Variants in RAPGEF2 observed in about 807,000 individuals in gnomAD.
RAPGEF2 encodes Rap guanine nucleotide exchange factor 2, also known as PDZ domain containing guanine nucleotide exchange factor (GEF) 1.
RAPGEF2 carries 54 observed loss-of-function variants against 186.7 expected under a neutral mutation model. The ratio of observed to expected loss-of-function variants is 0.29; its 90% CI spans 0.23 to 0.36. The LOEUF (loss-of-function observed/expected upper bound fraction) is 0.36. RAPGEF2 is among the 10% of genes least tolerant of loss of function. RAPGEF2 has a pLI of 1.00. For synonymous variants in RAPGEF2, 712 were observed against 705.9 expected (o/e 1.01, Z -0.14); for missense variants, 1,532 against 2,045.0 (o/e 0.75, Z 4.84).
At chr4:159,330,599 A>G (rs554576138) in intron 13 of RAPGEF2, 101 bp downstream of exon 13, 2 of 836,460 alleles carry the variant, frequency 2.4e-6, no homozygotes, top group Admixed American at 6.4e-5. Context: ...GATTAATGTA[A>G]TGAAATAGGA....
intron 1 of RAPGEF2, among the ~76,000 whole-genome samples, chr4:159,113,323 C>T (rs1437057444): frequency 6.6e-6 from 1 of 151,954 alleles, no homozygotes; most frequent in Non-Finnish European, 1.5e-5. Flanking sequence ...GATCTTTGAC[C>T]CGTTTTTTAA....
intron 7 of RAPGEF2, among the ~76,000 whole-genome samples, chr4:159,251,853 G>A (rs7669772): frequency 0.18 from 27,038 of 151,512 alleles, 2,554 homozygotes; most frequent in Admixed American, 0.22. Context: ...CCAGTTTGCC[G>A]CCGCGATCTG....
At chr4:159,179,392 C>T (rs1746787775) in intron 1 of RAPGEF2, among the ~76,000 whole-genome samples, 1 of 152,066 alleles carries the variant, frequency 6.6e-6, no homozygotes, top group Non-Finnish European at 1.5e-5. Flanking sequence ...GTTGAAATTT[C>T]CTTCTATGAA....
chr4:159,252,597 C>T (rs1330074435), intron 7 of RAPGEF2, among the ~76,000 whole-genome samples: 1 of 152,142 alleles, frequency 6.6e-6, no homozygotes, highest in African/African-American at 2.4e-5. Flanking sequence ...TAAACTTTTG[C>T]CTAAATTTTA....
intron 8 of RAPGEF2, among the ~76,000 whole-genome samples, chr4:159,314,108 G>A (rs971983452): frequency 5.3e-5 from 8 of 152,080 alleles, no homozygotes; most frequent in South Asian, 2.1e-4. Flanking sequence ...TTAATGTTTC[G>A]TTTGCATATT....
intron 1 of RAPGEF2, among the ~76,000 whole-genome samples, chr4:159,148,561 A>G (rs1743186157): frequency 6.6e-6 from 1 of 152,124 alleles, no homozygotes; most frequent in Non-Finnish European, 1.5e-5. Context: ...CTTAACACAT[A>G]TGGTGGTCCA....
chr4:159,233,781 T>A (rs536633445), intron 4 of RAPGEF2, among the ~76,000 whole-genome samples: 1 of 152,012 alleles, frequency 6.6e-6, no homozygotes, highest in Admixed American at 6.6e-5. Flanking sequence ...AATTTAAAAA[T>A]ATATATATAA....
intron 10 of RAPGEF2, 124 bp from the exon 11 acceptor site, chr4:159,323,335 T>C: frequency 1.4e-6 from 1 of 722,174 alleles, no homozygotes; most frequent in Non-Finnish European, 2.2e-6. Context: ...AACAGTAAAC[T>C]TGAGTTACTT....
intron 7 of RAPGEF2, among the ~76,000 whole-genome samples, chr4:159,272,743 G>C (rs1357246992): frequency 6.6e-6 from 1 of 152,194 alleles, no homozygotes; most frequent in African/African-American, 2.4e-5. Flanking sequence ...ATGAGGGTTT[G>C]AGGAAAAACA....
At chr4:159,110,311 G>A (rs1738354708) in intron 1 of RAPGEF2, among the ~76,000 whole-genome samples, 1 of 152,206 alleles carries the variant, frequency 6.6e-6, no homozygotes, top group Admixed American at 6.5e-5. Flanking sequence ...AACTAGGCCA[G>A]GTGCTGTGGC....
chr4:159,232,754 C>T (rs532164028), intron 4 of RAPGEF2, among the ~76,000 whole-genome samples: 9 of 152,218 alleles, frequency 5.9e-5, no homozygotes, highest in Non-Finnish European at 8.8e-5. Flanking sequence ...ACCAGCAATG[C>T]ACAGGGTTCC....
At position 159,298,180 on chromosome 4, in the gene RAPGEF2, A is replaced by G. The variant is rs182627966; in HGVS notation, c.544-6162A>G. On this transcript the variant is annotated intron_variant, in intron 7 of 29. Coordinates refer to ENST00000691494, the MANE Select transcript of RAPGEF2 (RefSeq NM_001394067.2). ...TCAGAAAAACATTAGGCCTTATCTT[A>G]TCAGTTTATTAAGTTATTAACTCAT... 9.2e-5 allele frequency among the ~76,000 whole-genome samples: 14 copies of G among 152,282 alleles called. No individual in the cohort carries two copies. In the East Asian group the frequency reaches 2.7e-3, roughly 29 times the overall value.
intron 1 of RAPGEF2, among the ~76,000 whole-genome samples, chr4:159,139,576 A>T (rs1002940028): frequency 2.8e-5 from 4 of 142,586 alleles, no homozygotes; most frequent in Non-Finnish European, 4.6e-5. Flanking sequence ...TGGTGAAATT[A>T]AAAAAAAAAA....
At chr4:159,333,941 A>C (rs1243891892) in intron 17 of RAPGEF2, among the ~76,000 whole-genome samples, 1 of 152,222 alleles carries the variant, frequency 6.6e-6, no homozygotes, top group Non-Finnish European at 1.5e-5. Flanking sequence ...TTTCAGATAA[A>C]ATTTTCATCC....
intron 1 of RAPGEF2, among the ~76,000 whole-genome samples, chr4:159,146,493 C>T (rs1370800358): frequency 1.3e-5 from 2 of 151,560 alleles, no homozygotes; most frequent in East Asian, 1.9e-4. Flanking sequence ...ACTGCTTGTT[C>T]TGTGTCAATA....
chr4:159,185,153 A>C (rs1258726403), intron 1 of RAPGEF2, among the ~76,000 whole-genome samples: 1 of 152,214 alleles, frequency 6.6e-6, no homozygotes, highest in Non-Finnish European at 1.5e-5. Flanking sequence ...TTAAAATAAA[A>C]AGAGAGACAG....
chr4:159,210,520 G>A lies in RAPGEF2; in HGVS notation c.218G>A (p.Cys73Tyr). 3.9e-6 allele frequency: 6 copies of A among 1,534,510 alleles called. No homozygotes were observed. The highest frequency in any genetic ancestry group is 5.2e-6 in the Non-Finnish European group (6 of 1,145,638). ...VLYYPDDIGT[C>Y]WYILLSGSVF... ...TTCAGCCCTGATGATATTGGGACCT[G>A]CTGGTATATCCTTCTTTCTGGTTCC... is the stretch of plus-strand genomic sequence containing the variant. The change falls in exon 4 of 30, where the codon TGC becomes TAC. Residue 73 changes from cysteine (C) to tyrosine (Y), a missense_variant. Physicochemically the swap from Cys to Tyr is radical, Grantham distance 194. Coordinates refer to ENST00000691494, the MANE Select transcript of RAPGEF2 (RefSeq NM_001394067.2).
intron 1 of RAPGEF2, among the ~76,000 whole-genome samples, chr4:159,111,387 G>A (rs868560583): frequency 5.3e-5 from 8 of 152,202 alleles, no homozygotes; most frequent in African/African-American, 1.7e-4. Context: ...ATAATGGACT[G>A]TGGAGCTTTA....
At chr4:159,241,572 A>G (rs1466815277) in intron 6 of RAPGEF2, among the ~76,000 whole-genome samples, 3 of 149,398 alleles carry the variant, frequency 2.0e-5, no homozygotes, top group South Asian at 4.2e-4. Flanking sequence ...TTATTTAAAC[A>G]TTTATTATAG....
Sources: gnomAD v4.1 joint callset for allele counts (sites outside exome capture counted in the v4.1 genomes callset) on GRCh38, gnomAD v4.1.1 for gene constraint, MANE v1.5 for transcripts, NCBI Gene and HGNC (gene_info 2026-07-23, HGNC 2026-07-21) for gene names.